CNGB3: variants seen among roughly 807,000 people sequenced by gnomAD.
CNGB3 encodes the protein cyclic nucleotide-gated channel beta-3.
A neutral mutation model predicts 92.8 loss-of-function variants in CNGB3; 86 were observed. That is an observed-to-expected ratio of 0.93 (90% CI 0.78 to 1.11). The LOEUF is 1.11. CNGB3 is among the 50% of genes least tolerant of loss of function. The pLI, the probability that CNGB3 is intolerant of heterozygous loss-of-function variation, is 0.00. For synonymous variants in CNGB3, 333 were observed against 332.7 expected (o/e 1.00, Z -0.01); for missense variants, 1,026 against 956.8 (o/e 1.07, Z -0.95).
intron 3 of CNGB3, among the ~76,000 whole-genome samples, chr8:86,701,808 A>G (rs1292999434): frequency 1.3e-5 from 2 of 152,168 alleles, no homozygotes; most frequent in Non-Finnish European, 2.9e-5. Context: ...TTTGTTACGA[A>G]TTTTACCATT....
chr8:86,629,287 C>T (rs1350045363), intron 11 of CNGB3, among the ~76,000 whole-genome samples: 3 of 152,128 alleles, frequency 2.0e-5, no homozygotes, highest in Admixed American at 2.0e-4. Flanking sequence ...GTCCTAATAT[C>T]ACCCACTTCC....
intron 2 of CNGB3, among the ~76,000 whole-genome samples, chr8:86,738,973 A>C (rs936685784): frequency 5.3e-5 from 8 of 152,210 alleles, no homozygotes; most frequent in African/African-American, 1.9e-4. Context: ...AGGCTGAAAG[A>C]ATGATAGTAC....
chr8:86,712,392 A>G (rs1460730714), intron 3 of CNGB3, among the ~76,000 whole-genome samples: 3 of 152,054 alleles, frequency 2.0e-5, no homozygotes, highest in Non-Finnish European at 2.9e-5. Flanking sequence ...AAGAATTAGC[A>G]TTTTTCCCCT....
At chr8:86,661,573 T>C in intron 6 of CNGB3, 1 of 742,922 alleles carries the variant, frequency 1.3e-6, no homozygotes, top group Non-Finnish European at 2.5e-6. Flanking sequence ...TTGCCAAATT[T>C]TCTTTTTCAA....
At chr8:86,593,226 C>T (rs1020241007) in intron 15 of CNGB3, among the ~76,000 whole-genome samples, 12 of 151,970 alleles carry the variant, frequency 7.9e-5, no homozygotes, top group Non-Finnish European at 1.0e-4. Flanking sequence ...AGTGGATGAG[C>T]GATGAAGAAT....
intron 3 of CNGB3, among the ~76,000 whole-genome samples, chr8:86,699,635 A>G (rs1318076143): frequency 6.6e-6 from 1 of 152,248 alleles, no homozygotes; most frequent in Non-Finnish European, 1.5e-5. Flanking sequence ...ACAATCAATA[A>G]AAGGAAAAAC....
At chr8:86,592,722 C>T (rs1201870429) in intron 15 of CNGB3, among the ~76,000 whole-genome samples, 4 of 152,140 alleles carry the variant, frequency 2.6e-5, no homozygotes, top group African/African-American at 9.7e-5. Flanking sequence ...TATAACTCTA[C>T]ATGCTATCAA....
intron 15 of CNGB3, chr8:86,593,810 T>A: frequency 7.8e-7 from 1 of 1,274,546 alleles, no homozygotes; most frequent in Non-Finnish European, 1.1e-6. Flanking sequence ...CCGCAGCTTG[T>A]CCACATCTGT....
chr8:86,691,113 G>A (rs534652203), intron 3 of CNGB3, among the ~76,000 whole-genome samples: 1 of 152,108 alleles, frequency 6.6e-6, no homozygotes, highest in African/African-American at 2.4e-5. Flanking sequence ...TTTAAGTTTT[G>A]TTTTGTTTTG....
In CNGB3 at chr8:86,632,906, A is replaced by G. The variant is rs200551114; in HGVS notation, c.1179-13T>C. 1.1e-5 allele frequency: 17 copies of G among 1,611,504 alleles called. No individual in the cohort carries two copies. The highest frequency in any genetic ancestry group is 1.7e-5 in the Admixed American group (1 of 59,964). On this transcript the variant is annotated splice_polypyrimidine_tract_variant and intron_variant, in intron 10 of 17. Coordinates refer to ENST00000320005, the MANE Select transcript of CNGB3 (RefSeq NM_019098.5). ...ACATCTCAGATACCTGTGAAAACAG[A>G]AGATATACATTTTGCTTTTTTTCTA...
At chr8:86,619,728 C>CTTTTTTTT (rs71275868) in intron 13 of CNGB3, among the ~76,000 whole-genome samples, 9 of 73,402 alleles carry the variant, frequency 1.2e-4, no homozygotes, top group Non-Finnish European at 1.7e-4. Context: ...TGGTCTTGAC[C>CTTTTTTTT]TTTTTTTTTT....
chr8:86,732,221 C>T (rs905889563), intron 2 of CNGB3, among the ~76,000 whole-genome samples: 14 of 152,172 alleles, frequency 9.2e-5, no homozygotes, highest in East Asian at 1.9e-4. Context: ...TGCCAAACTT[C>T]GCTCTTTTAA....
At chr8:86,740,084 C>T (rs1043770283) in intron 1 of CNGB3, among the ~76,000 whole-genome samples, 1 of 152,180 alleles carries the variant, frequency 6.6e-6, no homozygotes, top group Non-Finnish European at 1.5e-5. Flanking sequence ...GTCCCATTCA[C>T]ACAAAGCTCC....
At chr8:86,595,822 A>T (rs10100393) in intron 15 of CNGB3, among the ~76,000 whole-genome samples, 33,351 of 152,140 alleles carry the variant, frequency 0.22, 5,538 homozygotes, top group African/African-American at 0.47. Context: ...AGAAATAGAC[A>T]ATAATGATTT....
At chr8:86,613,755 A>G (rs1822562488) in intron 13 of CNGB3, among the ~76,000 whole-genome samples, 1 of 151,754 alleles carries the variant, frequency 6.6e-6, no homozygotes, top group East Asian at 1.9e-4. Flanking sequence ...TATTCCTTGA[A>G]CAACTCCTAT....
intron 7 of CNGB3, among the ~76,000 whole-genome samples, chr8:86,649,390 A>G (rs1395992560): frequency 2.0e-5 from 3 of 151,118 alleles, no homozygotes; most frequent in African/African-American, 7.3e-5. Context: ...CACAAATCTG[A>G]AGGCATTACA....
At chr8:86,619,093 T>C (rs1005764028) in intron 13 of CNGB3, among the ~76,000 whole-genome samples, 1 of 152,240 alleles carries the variant, frequency 6.6e-6, no homozygotes, top group Non-Finnish European at 1.5e-5. Context: ...CGGACTGTAG[T>C]ACCTACATTT....
intron 2 of CNGB3, among the ~76,000 whole-genome samples, chr8:86,735,044 T>TTG (rs1825222884): frequency 3.1e-5 from 1 of 32,150 alleles, no homozygotes; most frequent in Non-Finnish European, 6.7e-5. Context: ...TGCCGGTGGT[T>TTG]TTTTTTTTTT....
chr8:86,732,123 T>G (rs1343918681), intron 2 of CNGB3, among the ~76,000 whole-genome samples: 3 of 152,218 alleles, frequency 2.0e-5, no homozygotes, highest in Non-Finnish European at 4.4e-5. Context: ...GTCTCTTAAA[T>G]TTTTAGCTTA....
Sources: gnomAD v4.1 joint callset for allele counts (sites outside exome capture counted in the v4.1 genomes callset) on GRCh38, gnomAD v4.1.1 for gene constraint, MANE v1.5 for transcripts, NCBI Gene and HGNC (gene_info 2026-07-23, HGNC 2026-07-21) for gene names.